SPECC1: variants seen among roughly 807,000 people sequenced by gnomAD.
SPECC1 encodes sperm antigen with calponin homology and coiled-coil domains 1.
A neutral mutation model predicts 104.1 loss-of-function variants in SPECC1; 62 were observed. The ratio of observed to expected loss-of-function variants is 0.60; its 90% CI spans 0.49 to 0.74. The LOEUF is 0.74. SPECC1 is among the 30% of genes least tolerant of loss of function. The pLI is 0.00. For missense variants in SPECC1, 1,306 were observed against 1,310.5 expected, an observed-to-expected ratio of 1.00 and a Z score of 0.05; for synonymous variants, 513 against 501.6, an observed-to-expected ratio of 1.02 and a Z score of -0.30.
Position 20,204,925 on chromosome 17 carries a change from G to A in SPECC1, c.876G>A (p.Gln292=). The change falls in exon 4 of 15, where the codon CAG becomes CAA. Residue 292 remains glutamine, a synonymous_variant. Coordinates refer to ENST00000395527, the MANE Select transcript of SPECC1 (RefSeq NM_001243439.2). The part of the protein sequence containing the change: ...ESSFGSPTGN[Q]MSSDIDEYKK... ...GCTTCGGAAGCCCAACTGGAAATCA[G>A]ATGTCCAGTGACATTGATGAGTATA... The A allele has an allele frequency of 6.2e-7, 1 of 1,614,076 alleles. No homozygotes were observed. Among genetic ancestry groups the A allele is most frequent in the Non-Finnish European group, 8.5e-7 (1 of 1,180,030 alleles).
chr17:20,036,357 C>T (rs1040820359), intron 1 of SPECC1, among the ~76,000 whole-genome samples: 4 of 152,072 alleles, frequency 2.6e-5, no homozygotes, highest in African/African-American at 4.8e-5. Flanking sequence ...CTCAAACTCC[C>T]GACCTCAAGT....
intron 3 of SPECC1, among the ~76,000 whole-genome samples, chr17:20,156,439 T>A (rs1179168925): frequency 6.6e-6 from 1 of 152,124 alleles, no homozygotes; most frequent in Admixed American, 6.5e-5. Flanking sequence ...ACGCTGCTCG[T>A]CCTGAACGCG....
chr17:20,112,153 G>T (rs909173243), intron 3 of SPECC1: 2 of 763,240 alleles, frequency 2.6e-6, no homozygotes, highest in African/African-American at 3.4e-5. Context: ...AGTGAATAAA[G>T]AACCTGATAG....
At chr17:20,156,355 G>T in intron 3 of SPECC1, 1 of 1,131,386 alleles carries the variant, frequency 8.8e-7, no homozygotes, top group East Asian at 3.2e-5. Context: ...CTAAGGTCCT[G>T]GGGTGTGATT....
chr17:20,139,451 C>T (rs879516373), intron 3 of SPECC1, among the ~76,000 whole-genome samples: 2 of 152,182 alleles, frequency 1.3e-5, no homozygotes, highest in African/African-American at 4.8e-5. Context: ...AAAAAAGTCC[C>T]TGCTCTCATG....
rs537174698 is a variant in SPECC1, at chr17:20,056,070, G to A, written c.-21-40561G>A. Among the ~76,000 whole-genome samples, 4 of 152,312 alleles carry A rather than the reference G, an allele frequency of 2.6e-5. No individual in the cohort carries two copies. In the East Asian group the frequency reaches 5.8e-4, roughly 22 times the overall value. ...AAATTCCAAGTCTTAGTTTGGGATG[G>A]AAAGAGGTAGAGGATCTGGACTTTT... On this transcript the variant is annotated intron_variant, in intron 1 of 14. Transcript: ENST00000395527.
chr17:20,155,807 C>G, intron 3 of SPECC1: 5 of 587,536 alleles, frequency 8.5e-6, no homozygotes, highest in Non-Finnish European at 1.1e-5. Context: ...CGGAGGCCTG[C>G]AGCCGGTCAG....
chr17:20,314,157 C>A lies in SPECC1; in HGVS notation c.*92C>A. The A allele has an allele frequency of 9.2e-7, 1 of 1,081,222 alleles. No individual in the cohort carries two copies. The allele number at this position is 1,081,222 out of a possible 1,614,324, so 67.0% of individuals were successfully genotyped here. ...TGTCCACTGACCCTGCTCTGCCCAC[C>A]ACCCAGCTGCCTAGACTTCAAAGAC... is the stretch of plus-strand genomic sequence containing the variant. On this transcript the variant is annotated 3_prime_UTR_variant, in exon 15 of 15. Transcript: ENST00000395527.
At chr17:20,060,279 G>C (rs2046135122) in intron 1 of SPECC1, among the ~76,000 whole-genome samples, 1 of 152,154 alleles carries the variant, frequency 6.6e-6, no homozygotes, top group Non-Finnish European at 1.5e-5. Flanking sequence ...GTTTACTAAA[G>C]AGACCATCAA....
chr17:20,136,717 C>T (rs956704034), intron 3 of SPECC1, among the ~76,000 whole-genome samples: 18 of 152,232 alleles, frequency 1.2e-4, no homozygotes, highest in Non-Finnish European at 7.4e-5. Flanking sequence ...CCATTCTGCA[C>T]GTGCGCATTT....
intron 1 of SPECC1, among the ~76,000 whole-genome samples, chr17:20,094,260 C>T (rs1567837548): frequency 6.6e-6 from 1 of 152,002 alleles, no homozygotes; most frequent in Non-Finnish European, 1.5e-5. Context: ...AGAAAGGGAC[C>T]CTGATGCAAC....
intron 3 of SPECC1, among the ~76,000 whole-genome samples, chr17:20,164,886 T>G (rs1300462566): frequency 6.6e-6 from 1 of 152,220 alleles, no homozygotes; most frequent in African/African-American, 2.4e-5. Flanking sequence ...GATTAGAGTT[T>G]ACACTTCTTT....
intron 5 of SPECC1, 47 bp from the exon 6 acceptor site, chr17:20,231,709 TAA>T: frequency 6.3e-7 from 1 of 1,575,590 alleles, no homozygotes; most frequent in Non-Finnish European, 8.7e-7. Flanking sequence ...TGTCTTCTCT[TAA>T]GAGTCTCACA....
At chr17:20,164,695 CT>C (rs1350153415) in intron 3 of SPECC1, among the ~76,000 whole-genome samples, 3 of 152,150 alleles carry the variant, frequency 2.0e-5, no homozygotes, top group Non-Finnish European at 4.4e-5. Flanking sequence ...TGCCCTTACC[CT>C]TTATATACTT....
intron 4 of SPECC1, among the ~76,000 whole-genome samples, chr17:20,224,428 A>G (rs942188983): frequency 1.1e-4 from 17 of 152,190 alleles, no homozygotes; most frequent in Non-Finnish European, 5.9e-5. Context: ...CTTTCCCTTC[A>G]GGGTGATGGG....
chr17:20,131,386 C>T (rs910583878), intron 3 of SPECC1, among the ~76,000 whole-genome samples: 30 of 152,008 alleles, frequency 2.0e-4, no homozygotes, highest in Admixed American at 9.2e-4. Flanking sequence ...ACCATGTTGG[C>T]GAGGCTGGTT....
At chr17:20,246,153 A>G (rs1438684092) in intron 8 of SPECC1, 82 bp downstream of exon 8, 1 of 1,521,754 alleles carries the variant, frequency 6.6e-7, no homozygotes, top group Non-Finnish European at 8.9e-7. Context: ...TCTCTACTCC[A>G]CCCTGGCCCT....
intron 1 of SPECC1, among the ~76,000 whole-genome samples, chr17:20,034,025 A>G (rs996728877): frequency 3.9e-5 from 6 of 152,176 alleles, no homozygotes; most frequent in Admixed American, 3.9e-4. Flanking sequence ...GAGCATAAAA[A>G]TTGCTCTAAA....
At chr17:20,247,421 T>C in intron 9 of SPECC1, 102 bp downstream of exon 9, 2 of 715,962 alleles carry the variant, frequency 2.8e-6, no homozygotes, top group Admixed American at 5.4e-5. Context: ...TGTGTGTGTG[T>C]AGAGTATGTG....
Sources: gnomAD v4.1 joint callset for allele counts (sites outside exome capture counted in the v4.1 genomes callset) on GRCh38, gnomAD v4.1.1 for gene constraint, MANE v1.5 for transcripts, NCBI Gene and HGNC (gene_info 2026-07-23, HGNC 2026-07-21) for gene names.